TEAD2: variants seen among roughly 807,000 people sequenced by gnomAD.
TEAD2 encodes the protein transcriptional enhancer factor TEF-4.
TEAD2 carries 51 observed loss-of-function variants against 61.4 expected under a neutral mutation model. The ratio of observed to expected loss-of-function variants is 0.83; its 90% CI spans 0.66 to 1.05. The LOEUF (loss-of-function observed/expected upper bound fraction) is 1.05, where lower values mean the gene tolerates loss of function less well. Among genes scored for constraint, TEAD2 ranks in the 50% least tolerant of loss-of-function variants. TEAD2 has a pLI of 0.00. For missense variants in TEAD2, 509 were observed against 600.0 expected, an observed-to-expected ratio of 0.85 and a Z score of 1.58; for synonymous variants, 244 against 243.2, an observed-to-expected ratio of 1.00 and a Z score of -0.03.
At chr19:49,357,144 C>G in intron 4 of TEAD2, 108 bp downstream of exon 4, 1 of 1,159,814 alleles carries the variant, frequency 8.6e-7, no homozygotes, top group Non-Finnish European at 1.3e-6. Flanking sequence ...CCTCCCCGCT[C>G]TAAGTCTCTG....
intron 5 of TEAD2, 148 bp downstream of exon 5, chr19:49,355,811 G>C: frequency 4.3e-6 from 3 of 703,592 alleles, no homozygotes; most frequent in African/African-American, 3.6e-5. Flanking sequence ...AGGCGACAGA[G>C]CAAGACCCTG....
chr19:49,362,148 G>A (rs1273923755), intron 1 of TEAD2, among the ~76,000 whole-genome samples, 185 bp downstream of exon 1: 2 of 152,172 alleles, frequency 1.3e-5, no homozygotes, highest in Non-Finnish European at 2.9e-5. Context: ...CTGCGCGCAC[G>A]CCCAAACTCA....
At chr19:49,353,177 C>T (rs1183812450) in intron 7 of TEAD2, among the ~76,000 whole-genome samples, 1 of 151,886 alleles carries the variant, frequency 6.6e-6, no homozygotes, top group Non-Finnish European at 1.5e-5. Context: ...CAGCTCCCTG[C>T]AACCTCTGCT....
chr19:49,361,039 A>C, intron 1 of TEAD2, among the ~76,000 whole-genome samples: 1 of 58,574 alleles, frequency 1.7e-5, no homozygotes, highest in African/African-American at 8.6e-5. Flanking sequence ...GGAGGGGGGG[A>C]CAGAGACCAG....
At chr19:49,343,854 T>TGGGGGGGG (rs201072189) in intron 10 of TEAD2, among the ~76,000 whole-genome samples, 1 of 111,208 alleles carries the variant, frequency 9.0e-6, no homozygotes, top group Non-Finnish European at 1.9e-5. Flanking sequence ...GTCTTTTTTT[T>TGGGGGGGG]TGGGGGGGGG....
intron 7 of TEAD2, among the ~76,000 whole-genome samples, chr19:49,354,332 C>T (rs974166961): frequency 6.6e-5 from 10 of 151,590 alleles, no homozygotes; most frequent in Admixed American, 6.6e-4. Context: ...AGCAAGACCC[C>T]CGTCTCTACA....
In TEAD2 at chr19:49,347,285, G is replaced by A. The variant is rs746917467; in HGVS notation, c.826C>T (p.Arg276Trp). 6.8e-6 allele frequency: 11 copies of A among 1,613,910 alleles called. No homozygotes were observed. Among genetic ancestry groups the A allele is most frequent in the Non-Finnish European group, 8.5e-6 (10 of 1,180,028 alleles). ...GAPPLESVDV[R>W]QIYDKFPEKK... ...TCAGGGAATTTGTCGTAGATCTGCC[G>A]GACGTCCACACTCTCGAGCGGCGGC... is the stretch of plus-strand genomic sequence containing the variant. The change falls in exon 10 of 13, where the codon CGG (arginine) becomes TGG (tryptophan). Residue 276 changes from arginine to tryptophan, a missense_variant. Transcript: ENST00000593945.
chr19:49,350,151 A>G (rs924738331), intron 8 of TEAD2, among the ~76,000 whole-genome samples: 9 of 152,278 alleles, frequency 5.9e-5, no homozygotes, highest in African/African-American at 2.2e-4. Context: ...TTTGCTGCCA[A>G]GTAGCTGAGT....
chr19:49,351,587 A>G (rs947338215), intron 7 of TEAD2, among the ~76,000 whole-genome samples: 1 of 152,190 alleles, frequency 6.6e-6, no homozygotes, highest in Admixed American at 6.5e-5. Context: ...AAAGTCACAC[A>G]GTTGAGATGC....
rs752787994 is a variant in TEAD2, at chr19:49,348,833, G to C, written c.617C>G (p.Pro206Arg). ...PSTDLPGYEP[P>R]QALSPLPPPT... ...TGGGGGCAGGGGTGAGAGGGCTTGG[G>C]GGGGCTCGTACCCTAGAGAGAGAGA... Residue 206 changes from proline (P) to arginine (R), a missense_variant, in exon 9 of 13, where the codon CCC becomes CGC. Transcript: ENST00000593945. The C allele has an allele frequency of 5.7e-6, 9 of 1,573,184 alleles. No individual in the cohort carries two copies. Among genetic ancestry groups the C allele is most frequent in the Admixed American group, 2.0e-5 (1 of 49,778 alleles).
rs1488859734 is a variant in TEAD2 at position 49,359,724 on chromosome 19, C to T, written c.232+120G>A. ...AGCAAATCACTTAACCTAGCTGTGCCTCAGTTTCCTCATCTGTGCAAATGG... is the reference window on the plus strand; with the variant it reads ...AGCAAATCACTTAACCTAGCTGTGCTTCAGTTTCCTCATCTGTGCAAATGG... On this transcript the variant is annotated intron_variant, in intron 2 of 12. Coordinates refer to ENST00000593945, the MANE Select transcript of TEAD2 (RefSeq NM_001256660.2). This position sits in a 1 kb window ranked among gnomAD's most constrained non-coding sequence, Gnocchi z 4.1. 3 of 1,136,974 alleles carry T rather than the reference C, an allele frequency of 2.6e-6. No individual in the cohort carries two copies. Among genetic ancestry groups the T allele is most frequent in the Admixed American group, 1.9e-5 (1 of 52,350 alleles). 70.4% of individuals were successfully genotyped at this position (1,136,974 alleles called of 1,614,324 possible). A position where few individuals can be genotyped will look rare whatever the true frequency, so the allele number is the denominator to read the frequency against.
chr19:49,359,388 G>A lies in TEAD2; in HGVS notation c.297+47C>T. 6.3e-7 allele frequency: 1 copy of A among 1,591,698 alleles called. No homozygotes were observed. Among genetic ancestry groups the A allele is most frequent in the Non-Finnish European group, 8.6e-7 (1 of 1,160,132 alleles). On this transcript the variant is annotated intron_variant, in intron 3 of 12. Coordinates refer to ENST00000593945, the MANE Select transcript of TEAD2 (RefSeq NM_001256660.2). This position sits in a 1 kb window ranked among gnomAD's most constrained non-coding sequence, Gnocchi z 4.1. ...CCTGCCCATGCGAGGATGACCCTAA[G>A]AAGACCGGCCCATCCCAGACAGAAG...
chr19:49,357,572 C>G, intron 3 of TEAD2: 2 of 563,038 alleles, frequency 3.6e-6, no homozygotes, highest in Non-Finnish European at 6.4e-6. Flanking sequence ...TACTCTGGGT[C>G]TAACACAACC....
In TEAD2 at chr19:49,359,976, C is replaced by CA; in HGVS notation, c.99dup (p.Gly34TrpfsTer3). The CA allele has an allele frequency of 3.7e-6, 6 of 1,610,338 alleles. No individual in the cohort carries two copies. The highest frequency in any genetic ancestry group is 5.1e-6 in the Non-Finnish European group (6 of 1,179,910). ...TCTGCATCCGGGCCCCCGTCACCCC[C>CA]AGCCCCCTCACTGCCGCCGGTACCC... is the stretch of plus-strand genomic sequence containing the variant. On this transcript the variant is annotated frameshift_variant, in exon 2 of 13. Transcript: ENST00000593945. LOFTEE classifies it high-confidence loss of function. This position sits in a 1 kb window ranked among gnomAD's most constrained non-coding sequence, Gnocchi z 4.1.
In TEAD2 at chr19:49,341,121, T is replaced by C; in HGVS notation, c.*203A>G. On this transcript the variant is annotated 3_prime_UTR_variant, in exon 13 of 13. Transcript: ENST00000593945. The surrounding 1 kb of genome is among the most constrained non-coding windows in gnomAD (Gnocchi z 4.2). ...GAGGTCCCAATATCGGGGTTTATCCTTTCCTCAGTCCCAGCCTGTTCAGCT... is the reference window on the plus strand; with the variant it reads ...GAGGTCCCAATATCGGGGTTTATCCCTTCCTCAGTCCCAGCCTGTTCAGCT... 1.8e-6 allele frequency: 1 copy of C among 556,318 alleles called. No individual in the cohort carries two copies. The highest frequency in any genetic ancestry group is 2.1e-5 in the South Asian group (1 of 46,754). 34.5% of individuals were successfully genotyped at this position (556,318 alleles called of 1,614,324 possible). A position where few individuals can be genotyped will look rare whatever the true frequency, so the allele number is the denominator to read the frequency against.
rs1394191848 is a variant in TEAD2, at chr19:49,341,646, A to T, written c.1243-209T>A. Among the ~76,000 whole-genome samples the T allele has an allele frequency of 6.6e-6, 1 of 152,122 alleles. No homozygotes were observed. The highest frequency in any genetic ancestry group is 1.5e-5 in the Non-Finnish European group (1 of 68,012). On this transcript the variant is annotated intron_variant, in intron 12 of 12. Coordinates refer to ENST00000593945, the MANE Select transcript of TEAD2 (RefSeq NM_001256660.2). This position sits in a 1 kb window ranked among gnomAD's most constrained non-coding sequence, Gnocchi z 4.2. ...GGTTACCCCTCAGCTGAGCGTTGGC[A>T]GTTATGGTGTATCACATCTCAGGGT...
intron 3 of TEAD2, chr19:49,357,627 C>A: frequency 2.1e-6 from 1 of 486,842 alleles, no homozygotes; most frequent in Non-Finnish European, 3.8e-6. Flanking sequence ...AGCACACGAA[C>A]AGACATGCTG....
intron 8 of TEAD2, among the ~76,000 whole-genome samples, chr19:49,350,117 C>G (rs1233315057): frequency 6.6e-6 from 1 of 152,086 alleles, no homozygotes; most frequent in Non-Finnish European, 1.5e-5. Context: ...AGGGCCATAT[C>G]AGCATGGACT....
chr19:49,359,855 C>A lies in TEAD2; in HGVS notation c.221G>T (p.Gly74Val), dbSNP rs778043496. Reference protein sequence around the residue: ...GRRKIILSDEGKMYGRNELIA... With the variant: ...GRRKIILSDEVKMYGRNELIA... Reference sequence around the variant, plus strand: ...AGAAGTAGACTCACCATACATCTTGCCTTCATCAGACAAAATTATTTTCCG... The same window carrying A: ...AGAAGTAGACTCACCATACATCTTGACTTCATCAGACAAAATTATTTTCCG... The change falls in exon 2 of 13, where the codon GGC becomes GTC. Residue 74 changes from glycine (G) to valine (V), a missense_variant. Transcript: ENST00000593945. The surrounding 1 kb of genome is among the most constrained non-coding windows in gnomAD (Gnocchi z 4.1). 6 of 1,613,610 alleles carry A rather than the reference C, an allele frequency of 3.7e-6. No homozygotes were observed. Among genetic ancestry groups the A allele is most frequent in the Non-Finnish European group, 5.1e-6 (6 of 1,179,998 alleles).
Sources: allele counts gnomAD v4.1 joint callset (sites outside exome capture counted in the v4.1 genomes callset), GRCh38; gene constraint gnomAD v4.1.1; non-coding constraint Gnocchi (gnomAD v3.1); transcripts MANE v1.5; gene names NCBI Gene and HGNC (gene_info 2026-07-23, HGNC 2026-07-21).